Variants in ZDBF2 observed in about 807,000 individuals in gnomAD.
ZDBF2 encodes DBF4-type zinc finger-containing protein 2.
ZDBF2 carries 6 observed loss-of-function variants against 9.4 expected under a neutral mutation model. The observed-to-expected ratio is 0.64, with a 90% CI of 0.35 to 1.27. ZDBF2 has a LOEUF of 1.27. Among genes scored for constraint, ZDBF2 ranks in the 50% most tolerant of loss-of-function variants. ZDBF2 has a pLI of 0.03. For missense variants in ZDBF2, 2,697 were observed against 2,766.8 expected (o/e 0.97, Z 0.57); for synonymous variants, 905 against 946.3 (o/e 0.96, Z 0.80).
intron 3 of ZDBF2, among the ~76,000 whole-genome samples, chr2:206,287,185 T>C (rs1691647387): frequency 6.6e-6 from 1 of 152,242 alleles, no homozygotes; most frequent in Admixed American, 6.5e-5. Flanking sequence ...TACTTTTGGA[T>C]GTTTTTGTGA....
intron 3 of ZDBF2, among the ~76,000 whole-genome samples, chr2:206,288,934 AT>A (rs1344882961): frequency 1.3e-5 from 2 of 152,076 alleles, no homozygotes; most frequent in Non-Finnish European, 2.9e-5. Flanking sequence ...GCAGCAGCAG[AT>A]ACACAGCTGT....
chr2:206,309,737 C>G lies in ZDBF2; in HGVS notation c.5209C>G (p.Leu1737Val). 1 of 1,613,922 alleles carries G rather than the reference C, an allele frequency of 6.2e-7. No individual in the cohort carries two copies. The highest frequency in any genetic ancestry group is 1.7e-4 in the Middle Eastern group (1 of 6,060). ...ACGTTCGAAGCTAAAACATAGAGAT[C>G]TAGAAGTGAGCTGTGAACCGGATGG... is the stretch of plus-strand genomic sequence containing the variant. ...KKRSKLKHRDLEVSCEPDGFE... is the reference protein window; with the variant it reads ...KKRSKLKHRDVEVSCEPDGFE... Residue 1737 changes from leucine to valine, a missense_variant, in exon 5 of 5, where the codon CTA (leucine) becomes GTA (valine). By Grantham distance (32) the Leu-to-Val change is conservative. Around this residue, in one of 3 missense-constraint regions of ZDBF2, gnomAD observed 1,783 missense variants for 1,776.5 expected, o/e 1.00. Transcript: ENST00000374423.
intron 3 of ZDBF2, among the ~76,000 whole-genome samples, chr2:206,286,106 C>T (rs1330740897): frequency 6.6e-6 from 1 of 152,184 alleles, no homozygotes; most frequent in Non-Finnish European, 1.5e-5. Context: ...TTGGAGACCT[C>T]TTTGTGGCCT....
chr2:206,303,639 T>C (rs1692617191), intron 4 of ZDBF2, among the ~76,000 whole-genome samples: 1 of 152,178 alleles, frequency 6.6e-6, no homozygotes, highest in Admixed American at 6.5e-5. Flanking sequence ...TACATATACA[T>C]AGACATAATT....
chr2:206,285,655 T>C (rs772398345), intron 3 of ZDBF2, among the ~76,000 whole-genome samples: 59 of 152,226 alleles, frequency 3.9e-4, no homozygotes, highest in South Asian at 1.2e-3. Context: ...CAGTTTGATA[T>C]TATCCAGTTT....
At position 206,308,451 on chromosome 2, in the gene ZDBF2, A is replaced by G. The variant is rs367924656; in HGVS notation, c.3923A>G (p.Asn1308Ser). 4.3e-6 allele frequency: 7 copies of G among 1,613,368 alleles called. No individual in the cohort carries two copies. The African/African-American group carries it at 8.0e-5, about 18-fold the overall frequency. The change falls in exon 5 of 5, where the codon AAT becomes AGT. Residue 1308 changes from asparagine (N) to serine (S), a missense_variant. Physicochemically the swap from Asn to Ser is conservative, Grantham distance 46 (BLOSUM62 1). Coordinates refer to ENST00000374423, the MANE Select transcript of ZDBF2 (RefSeq NM_020923.3). ...ATTCCAGGGGCGAATAAAGAAATAA[A>G]TCTTTTGAGGGAGGAACATGTTTGT... ...NKIPGANKEI[N>S]LLREEHVCLD...
chr2:206,283,506 A>G (rs1574381137), intron 3 of ZDBF2, among the ~76,000 whole-genome samples: 1 of 151,790 alleles, frequency 6.6e-6, no homozygotes, highest in African/African-American at 2.4e-5. Flanking sequence ...GCATTTGTAT[A>G]TCTTGTTTAG....
intron 4 of ZDBF2, among the ~76,000 whole-genome samples, chr2:206,304,446 T>A (rs1215944843): frequency 6.6e-6 from 1 of 152,218 alleles, no homozygotes; most frequent in Non-Finnish European, 1.5e-5. Context: ...ACTACTCTGA[T>A]AACTGAAAAA....
intron 3 of ZDBF2, among the ~76,000 whole-genome samples, chr2:206,289,785 G>C (rs1242169524): frequency 6.6e-6 from 1 of 152,178 alleles, no homozygotes; most frequent in Non-Finnish European, 1.5e-5. Context: ...GGTGAGGTCT[G>C]TAGGTGTCCA....
rs978723909 is a variant in ZDBF2 at position 206,297,300 on chromosome 2, T to C, written c.115T>C (p.Cys39Arg). 2 of 1,607,938 alleles carry C rather than the reference T, an allele frequency of 1.2e-6. No homozygotes were observed. The highest frequency in any genetic ancestry group is 1.7e-6 in the Non-Finnish European group (2 of 1,174,476). Residue 39 changes from cysteine (C) to arginine (R), a missense_variant, in exon 4 of 5, where the codon TGT becomes CGT. By Grantham distance (180) the Cys-to-Arg change is radical. Transcript: ENST00000374423. ...GACCAGACAGAGTAGACGTCAAATA[T>C]GTACCAGTAGTTTGATGGAACGTTT... is the stretch of plus-strand genomic sequence containing the variant. ...SLTRQSRRQICTSSLMERFLQ... is the reference protein window; with the variant it reads ...SLTRQSRRQIRTSSLMERFLQ...
chr2:206,293,259 G>A (rs1691991504), intron 3 of ZDBF2, among the ~76,000 whole-genome samples: 2 of 152,026 alleles, frequency 1.3e-5, no homozygotes, highest in Admixed American at 1.3e-4. Flanking sequence ...CATATGGAGA[G>A]GAAAATGAAA....
Position 206,310,420 on chromosome 2 carries a change from G to C in ZDBF2, c.5892G>C (p.Glu1964Asp). ...PVMKRKIIRQ[E>D]EDPPKSKCSR... is the part of the protein sequence containing the mutation. ...TGAAAAGAAAAATAATTAGACAAGA[G>C]GAAGACCCACCAAAAAGTAAGTGTT... is the stretch of plus-strand genomic sequence containing the variant. The change falls in exon 5 of 5, where the codon GAG (glutamate) becomes GAC (aspartate). Residue 1964 changes from glutamate (E) to aspartate (D), a missense_variant. Glu to Asp is a conservative substitution (Grantham distance 45, BLOSUM62 2). This residue lies in a region of ZDBF2 where 1,783 missense variants were observed against 1,776.5 expected (regional missense o/e 1.00). Transcript: ENST00000374423. 1 of 1,613,886 alleles carries C rather than the reference G, an allele frequency of 6.2e-7. No individual in the cohort carries two copies.
intron 3 of ZDBF2, among the ~76,000 whole-genome samples, chr2:206,291,786 G>A (rs935004869): frequency 2.0e-5 from 3 of 152,058 alleles, no homozygotes; most frequent in African/African-American, 7.2e-5. Flanking sequence ...ATAATATTTT[G>A]TTGACAATGT....
intron 1 of ZDBF2, among the ~76,000 whole-genome samples, chr2:206,277,046 T>C (rs954634648): frequency 1.3e-5 from 2 of 152,284 alleles, no homozygotes; most frequent in East Asian, 3.9e-4. Context: ...AAAATTTAGA[T>C]TGTCTTATTC....
At position 206,311,076 on chromosome 2, in the gene ZDBF2, C is replaced by T; in HGVS notation, c.6548C>T (p.Thr2183Ile). 6.2e-7 allele frequency: 1 copy of T among 1,612,882 alleles called. No individual in the cohort carries two copies. Among genetic ancestry groups the T allele is most frequent in the African/African-American group, 1.3e-5 (1 of 74,900 alleles). ...AAAATTCATGGAAAGAGGGTGACAACTAGTAGTAATAAGCTAGGTTTTCCC... is the reference window on the plus strand; with the variant it reads ...AAAATTCATGGAAAGAGGGTGACAATTAGTAGTAATAAGCTAGGTTTTCCC... Reference protein sequence around the residue: ...KKKIHGKRVTTSSNKLGFPKK... With the variant: ...KKKIHGKRVTISSNKLGFPKK... The change falls in exon 5 of 5, where the codon ACT (threonine) becomes ATT (isoleucine). Residue 2183 changes from threonine to isoleucine, a missense_variant. This residue lies in a region of ZDBF2 where 1,783 missense variants were observed against 1,776.5 expected (regional missense o/e 1.00). Coordinates refer to ENST00000374423, the MANE Select transcript of ZDBF2 (RefSeq NM_020923.3).
At chr2:206,304,526 AG>A (rs1208576909) in intron 4 of ZDBF2, among the ~76,000 whole-genome samples, 190 bp from the exon 5 acceptor site, 3 of 152,154 alleles carry the variant, frequency 2.0e-5, no homozygotes, top group African/African-American at 4.8e-5. Context: ...CAATTGGTGG[AG>A]CCACCTCCAC....
rs190471111 is a variant in ZDBF2, at chr2:206,283,059, A to G, written c.60+1150A>G. 5.7e-3 allele frequency among the ~76,000 whole-genome samples: 875 copies of G among 152,284 alleles called. 4 individuals are homozygous for G. Among genetic ancestry groups the G allele is most frequent in the Middle Eastern group, 0.014 (4 of 294 alleles). On this transcript the variant is annotated intron_variant, in intron 3 of 4. Transcript: ENST00000374423. ...ATGCATCACGACCTCGTTCCTTTTTATGGCTGACAATGTTCCATTGCATGG... is the reference window on the plus strand; with the variant it reads ...ATGCATCACGACCTCGTTCCTTTTTGTGGCTGACAATGTTCCATTGCATGG...
chr2:206,305,018 C>A lies in ZDBF2; in HGVS notation c.490C>A (p.Leu164Ile). 6.2e-7 allele frequency: 1 copy of A among 1,613,664 alleles called. No individual in the cohort carries two copies. The highest frequency in any genetic ancestry group is 8.5e-7 in the Non-Finnish European group (1 of 1,179,764). The change falls in exon 5 of 5, where the codon CTA becomes ATA. Residue 164 changes from leucine to isoleucine, a missense_variant. By Grantham distance (5) the Leu-to-Ile change is conservative. Transcript: ENST00000374423. Reference protein sequence around the residue: ...KIGASVRKCNLVDIGQATNNR... With the variant: ...KIGASVRKCNIVDIGQATNNR... ...TGGGGCCAGTGTGAGAAAATGTAAC[C>A]TAGTAGATATTGGTCAGGCTACAAA... is the stretch of plus-strand genomic sequence containing the variant.
At chr2:206,278,437 T>G (rs1056269004) in intron 1 of ZDBF2, among the ~76,000 whole-genome samples, 2 of 152,166 alleles carry the variant, frequency 1.3e-5, no homozygotes, top group African/African-American at 4.8e-5. Flanking sequence ...GAATCATTTT[T>G]CCAGAATTTT....
Sources: allele counts gnomAD v4.1 joint callset (sites outside exome capture counted in the v4.1 genomes callset), GRCh38; gene constraint gnomAD v4.1.1; regional missense constraint gnomAD v4.1.1; transcripts MANE v1.5; gene names NCBI Gene and HGNC (gene_info 2026-07-23, HGNC 2026-07-21).